The following TADA2B variants were observed in gnomAD, a reference collection of about 807,000 sequenced individuals.
The protein encoded by TADA2B is transcriptional adaptor 2B.
Under a neutral mutation model 34.5 loss-of-function variants are expected in TADA2B, and 13 were observed. The observed-to-expected ratio is 0.38, with a 90% CI of 0.25 to 0.60. The LOEUF (loss-of-function observed/expected upper bound fraction) is 0.60. Ranked by LOEUF, TADA2B falls within the 20% of genes least tolerant of loss-of-function variation. The pLI, the probability that TADA2B is intolerant of heterozygous loss-of-function variation, is 0.65. For synonymous variants in TADA2B, 240 were observed against 243.4 expected (o/e 0.99, Z 0.13); for missense variants, 442 against 575.0 (o/e 0.77, Z 2.37).
chr4:7,054,727 G>A lies in TADA2B; in HGVS notation c.936G>A (p.Arg312=), dbSNP rs1560395778. ...MEESAEYEAA[R]HKREKRKENK... is the part of the protein sequence containing the mutation. ...AGTCGGCAGAGTACGAGGCAGCGCG[G>A]CATAAACGGGAGAAGAGGAAGGAGA... The change falls in exon 2 of 2, where the codon CGG becomes CGA. Residue 312 remains arginine, a synonymous_variant. Coordinates refer to ENST00000310074, the MANE Select transcript of TADA2B (RefSeq NM_152293.3). The A allele has an allele frequency of 1.2e-6, 2 of 1,613,922 alleles. No individual in the cohort carries two copies. Among genetic ancestry groups the A allele is most frequent in the Non-Finnish European group, 1.7e-6 (2 of 1,179,886 alleles).
chr4:7,055,179 T>C lies in TADA2B; in HGVS notation c.*125T>C, dbSNP rs560197047. ...ACAAATTGAGTTCCTTTTTTTAAGA[T>C]AGAAATTCTTTTCATGGTCCTCTGA... On this transcript the variant is annotated 3_prime_UTR_variant, in exon 2 of 2. Transcript: ENST00000310074. 6.0e-6 allele frequency: 6 copies of C among 1,005,638 alleles called. No individual in the cohort carries two copies. Among genetic ancestry groups the C allele is most frequent in the African/African-American group, 3.3e-5 (2 of 61,130 alleles). The allele number at this position is 1,005,638 out of a possible 1,614,324, so 62.3% of individuals were successfully genotyped here. A position where few individuals can be genotyped will look rare whatever the true frequency, so the allele number is the denominator to read the frequency against.
Position 7,056,909 on chromosome 4 carries a change from T to A in TADA2B, c.*1855T>A, listed in dbSNP as rs145196571. ...CCTGGCCCAGCAGCAGCAACTTGTT[T>A]GTTAGAATGCAGACGCGCAGGCCCC... is the stretch of plus-strand genomic sequence containing the variant. On this transcript the variant is annotated 3_prime_UTR_variant, in exon 2 of 2. Transcript: ENST00000310074. The A allele has an allele frequency of 8.8e-4, 134 of 152,342 alleles. No individual in the cohort carries two copies. Among genetic ancestry groups the A allele is most frequent in the African/African-American group, 3.1e-3 (127 of 41,570 alleles). 9.4% of individuals were successfully genotyped at this position (152,342 alleles called of 1,614,324 possible).
chr4:7,047,517 T>C (rs573940646), intron 1 of TADA2B, among the ~76,000 whole-genome samples: 4 of 152,206 alleles, frequency 2.6e-5, no homozygotes, highest in South Asian at 2.1e-4. Context: ...GACACATCGA[T>C]GGTCACTGCC....
At chr4:7,049,109 C>G (rs28385900) in intron 1 of TADA2B, among the ~76,000 whole-genome samples, 1 of 151,804 alleles carries the variant, frequency 6.6e-6, no homozygotes, top group Non-Finnish European at 1.5e-5. Context: ...TTAAGGGTTT[C>G]GCTCTATCGC....
At chr4:7,051,622 G>A (rs1220673691) in intron 1 of TADA2B, among the ~76,000 whole-genome samples, 1 of 150,810 alleles carries the variant, frequency 6.6e-6, no homozygotes, top group Non-Finnish European at 1.5e-5. Flanking sequence ...TTTTGAGACA[G>A]AGTCTCGCTC....
rs1280411408 is a variant in TADA2B, at chr4:7,054,680, A to C, written c.889A>C (p.Asn297His). The change falls in exon 2 of 2, where the codon AAC becomes CAC. Residue 297 changes from asparagine (N) to histidine (H), a missense_variant. Asn to His is a moderately conservative substitution (Grantham distance 68, BLOSUM62 1). This residue lies in a region of TADA2B where 222 missense variants were observed against 235.2 expected (regional missense o/e 0.94). Transcript: ENST00000310074. The stretch of plus-strand genomic sequence containing the variant: ...CCGAGAACTGCAGCGGTACCGGCGA[A>C]ACGGGATCACCAAGATGGAAGAGTC... ...KIRELQRYRR[N>H]GITKMEESAE... 1 of 1,613,974 alleles carries C rather than the reference A, an allele frequency of 6.2e-7. No homozygotes were observed. The highest frequency in any genetic ancestry group is 8.5e-7 in the Non-Finnish European group (1 of 1,179,902).
intron 1 of TADA2B, among the ~76,000 whole-genome samples, chr4:7,044,587 G>A (rs557639246): frequency 1.3e-3 from 199 of 152,292 alleles, no homozygotes; most frequent in Middle Eastern, 0.01. Context: ...CTTGAGAGAG[G>A]AACATGGTTC....
Position 7,057,900 on chromosome 4 carries a change from C to T in TADA2B, c.*2846C>T, listed in dbSNP as rs956676492. On this transcript the variant is annotated 3_prime_UTR_variant, in exon 2 of 2. Coordinates refer to ENST00000310074, the MANE Select transcript of TADA2B (RefSeq NM_152293.3). ...CCAAGAATGTATTAAAAACAGCAAC[C>T]CTGCCTACCGTTTTGATGACCTTTT... is the stretch of plus-strand genomic sequence containing the variant. 2 of 16,522 alleles carry T rather than the reference C, an allele frequency of 1.2e-4. No individual in the cohort carries two copies. The highest frequency in any genetic ancestry group is 0.028 in the Middle Eastern group (1 of 36). The allele number at this position is 16,522 out of a possible 1,614,324, so 1.0% of individuals were successfully genotyped here.
chr4:7,056,031 C>T lies in TADA2B; in HGVS notation c.*977C>T, dbSNP rs1227643895. 2 of 152,364 alleles carry T rather than the reference C, an allele frequency of 1.3e-5. No individual in the cohort carries two copies. Among genetic ancestry groups the T allele is most frequent in the Admixed American group, 1.3e-4 (2 of 15,284 alleles). 9.4% of individuals were successfully genotyped at this position (152,364 alleles called of 1,614,324 possible). Reference sequence around the variant, plus strand: ...TTTTCTTCAGTTGCAAGTACCTTTCCACTGAAAATATGAGCATGCCCGCCT... The same window carrying T: ...TTTTCTTCAGTTGCAAGTACCTTTCTACTGAAAATATGAGCATGCCCGCCT... On this transcript the variant is annotated 3_prime_UTR_variant, in exon 2 of 2. Transcript: ENST00000310074.
chr4:7,052,666 G>A (rs1197964883), intron 1 of TADA2B, among the ~76,000 whole-genome samples: 1 of 152,240 alleles, frequency 6.6e-6, no homozygotes, highest in Non-Finnish European at 1.5e-5. Flanking sequence ...AGTAGCTGCC[G>A]GCAATAGTTG....
chr4:7,055,105 A>G lies in TADA2B; in HGVS notation c.*51A>G. 2.0e-6 allele frequency: 3 copies of G among 1,524,968 alleles called. No individual in the cohort carries two copies. The highest frequency in any genetic ancestry group is 2.6e-6 in the Non-Finnish European group (3 of 1,137,410). 94.5% of individuals were successfully genotyped at this position (1,524,968 alleles called of 1,614,324 possible). ...TGATGCTCAGACAGTGTGCCAGCCAAAATGACTTGGGGGAGGGGAGCCGCT... is the reference window on the plus strand; with the variant it reads ...TGATGCTCAGACAGTGTGCCAGCCAGAATGACTTGGGGGAGGGGAGCCGCT... On this transcript the variant is annotated 3_prime_UTR_variant, in exon 2 of 2. Coordinates refer to ENST00000310074, the MANE Select transcript of TADA2B (RefSeq NM_152293.3).
intron 1 of TADA2B, chr4:7,052,822 G>T (rs1402352974): frequency 6.6e-6 from 1 of 152,252 alleles, no homozygotes; most frequent in African/African-American, 2.4e-5. Flanking sequence ...TTTACTTTAT[G>T]ATTCTCAAAG....
chr4:7,053,945 A>T, intron 1 of TADA2B, 117 bp from the exon 2 acceptor site: 1 of 1,192,122 alleles, frequency 8.4e-7, no homozygotes, highest in Non-Finnish European at 1.2e-6. Flanking sequence ...GAGGGTGGGT[A>T]ACGGTGCTGT....
Position 7,054,148 on chromosome 4 carries a change from G to A in TADA2B, c.357G>A (p.Leu119=), listed in dbSNP as rs1272185543. 1.2e-5 allele frequency: 19 copies of A among 1,604,468 alleles called. No homozygotes were observed. Among genetic ancestry groups the A allele is most frequent in the Non-Finnish European group, 1.6e-5 (19 of 1,175,614 alleles). ...TGAGCATGTACATCCACGGGAACCT[G>A]GGGAAGGCCTGCATCCCCGACACCA... ...HYVSMYIHGN[L]GKACIPDTIP... Residue 119 remains leucine, a synonymous_variant, in exon 2 of 2, where the codon CTG becomes CTA. Coordinates refer to ENST00000310074, the MANE Select transcript of TADA2B (RefSeq NM_152293.3).
At position 7,055,379 on chromosome 4, in the gene TADA2B, G is replaced by C. The variant is rs10937782; in HGVS notation, c.*325G>C. On this transcript the variant is annotated 3_prime_UTR_variant, in exon 2 of 2. Coordinates refer to ENST00000310074, the MANE Select transcript of TADA2B (RefSeq NM_152293.3). ...GAGTGTTCTTCTCTTTGGTACAAAAGCTATTGTGGGTGACAGGAGCAGTGT... is the reference window on the plus strand; with the variant it reads ...GAGTGTTCTTCTCTTTGGTACAAAACCTATTGTGGGTGACAGGAGCAGTGT... 163,564 of 225,212 alleles carry C rather than the reference G, an allele frequency of 0.73. 60,644 individuals carry two copies. Among genetic ancestry groups the C allele is most frequent in the South Asian group, 0.82 (9,364 of 11,448 alleles). 14.0% of individuals were successfully genotyped at this position (225,212 alleles called of 1,614,324 possible).
At chr4:7,044,519 G>C (rs1159139689) in intron 1 of TADA2B, among the ~76,000 whole-genome samples, 2 of 152,080 alleles carry the variant, frequency 1.3e-5, no homozygotes, top group Admixed American at 6.5e-5. Flanking sequence ...TGTGTGGGGA[G>C]CGGTGAGAGC....
chr4:7,051,174 C>T (rs1421368397), intron 1 of TADA2B, among the ~76,000 whole-genome samples: 1 of 152,162 alleles, frequency 6.6e-6, no homozygotes, highest in Non-Finnish European at 1.5e-5. Context: ...TGAGCCCGGC[C>T]CTGGGGGTCA....
At position 7,043,908 on chromosome 4, in the gene TADA2B, C is replaced by T. The variant is rs1403279066; in HGVS notation, c.270+59C>T. ...GGGCACTGGAAGGCCCGCGCCTCTC[C>T]TGTAATCGGGCGCGCAGGCAGCGCT... On this transcript the variant is annotated intron_variant, in intron 1 of 1. Transcript: ENST00000310074. 20 of 1,423,966 alleles carry T rather than the reference C, an allele frequency of 1.4e-5. No homozygotes were observed. In the East Asian group the frequency reaches 3.7e-4, roughly 27 times the overall value. The allele number at this position is 1,423,966 out of a possible 1,614,324, so 88.2% of individuals were successfully genotyped here.
Position 7,044,193 on chromosome 4 carries a change from C to G in TADA2B, c.270+344C>G, listed in dbSNP as rs533277423. 3.3e-5 allele frequency among the ~76,000 whole-genome samples: 5 copies of G among 152,306 alleles called. No individual in the cohort carries two copies. In the South Asian group the frequency reaches 8.3e-4, roughly 25 times the overall value. ...CAAGACTCGGTGCCTTACCTGAGTT[C>G]GTGGAGACAGGCAGGCCCACAGACT... On this transcript the variant is annotated intron_variant, in intron 1 of 1. Transcript: ENST00000310074.
Sources: gnomAD v4.1 joint callset for allele counts (sites outside exome capture counted in the v4.1 genomes callset) on GRCh38, gnomAD v4.1.1 for gene constraint, gnomAD v4.1.1 regional missense constraint, MANE v1.5 for transcripts, NCBI Gene and HGNC (gene_info 2026-07-23, HGNC 2026-07-21) for gene names.